Variants in CUBN observed in about 807,000 individuals in gnomAD.
CUBN encodes the protein cubilin, also known as 460 kDa receptor.
In CUBN, 282 loss-of-function variants were observed where a neutral mutation model predicts 405.3. That is an observed-to-expected ratio of 0.70 (90% CI 0.63 to 0.77). The LOEUF (loss-of-function observed/expected upper bound fraction) is 0.77, where lower values mean the gene tolerates loss of function less well. Ranked by LOEUF, CUBN falls within the 30% of genes least tolerant of loss-of-function variation. The pLI is 0.00. For synonymous variants in CUBN, 1,684 were observed against 1,617.0 expected (o/e 1.04, Z -0.99); for missense variants, 4,514 against 4,475.2 (o/e 1.01, Z -0.25).
chr10:16,933,878 C>A (rs575852819), intron 39 of CUBN, among the ~76,000 whole-genome samples: 2 of 152,202 alleles, frequency 1.3e-5, no homozygotes, highest in South Asian at 4.2e-4. Flanking sequence ...CTGCCTTGCA[C>A]GGTTGTGATG....
intron 59 of CUBN, among the ~76,000 whole-genome samples, chr10:16,855,226 G>A (rs1311678197): frequency 6.6e-6 from 1 of 151,584 alleles, no homozygotes; most frequent in Non-Finnish European, 1.5e-5. Flanking sequence ...GATTACAGGT[G>A]CATGCCACCA....
chr10:17,022,618 C>T (rs542002283), intron 27 of CUBN, among the ~76,000 whole-genome samples: 1 of 152,290 alleles, frequency 6.6e-6, no homozygotes, highest in Admixed American at 6.5e-5. Flanking sequence ...AACCGGAGGG[C>T]GAGAGGCCAA....
intron 31 of CUBN, chr10:16,966,009 T>C (rs1210249645): frequency 2.1e-6 from 1 of 471,030 alleles, no homozygotes; most frequent in Non-Finnish European, 4.4e-6. Context: ...GTTGTATTCA[T>C]TCAGTTAGAA....
At chr10:17,094,678 C>A (rs1303315801) in intron 14 of CUBN, among the ~76,000 whole-genome samples, 1 of 151,840 alleles carries the variant, frequency 6.6e-6, no homozygotes, top group Non-Finnish European at 1.5e-5. Flanking sequence ...AAGTTAAATA[C>A]TTAGGAATGT....
intron 60 of CUBN, among the ~76,000 whole-genome samples, chr10:16,845,586 AC>A (rs1737770470): frequency 6.6e-6 from 1 of 152,270 alleles, no homozygotes; most frequent in Non-Finnish European, 1.5e-5. Flanking sequence ...AATCAGCTCT[AC>A]AAGAGCAGGA....
At chr10:17,091,324 A>G (rs767884811) in intron 14 of CUBN, among the ~76,000 whole-genome samples, 4 of 152,198 alleles carry the variant, frequency 2.6e-5, no homozygotes, top group Admixed American at 6.5e-5. Context: ...CAGATATCGA[A>G]AACAAAACAA....
Position 17,110,081 on chromosome 10 carries a change from T to A in CUBN, c.1016-346A>T, listed in dbSNP as rs560566522. Among the ~76,000 whole-genome samples the A allele has an allele frequency of 5.3e-5, 8 of 152,348 alleles. No individual in the cohort carries two copies. In the East Asian group the frequency reaches 1.5e-3, roughly 29 times the overall value. On this transcript the variant is annotated intron_variant, in intron 9 of 66. Coordinates refer to ENST00000377833, the MANE Select transcript of CUBN (RefSeq NM_001081.4). ...GGTCAATTATTATAGAAGCCCAAAG[T>A]ACTGTAGTTCCATGTTATTTAAACA... is the stretch of plus-strand genomic sequence containing the variant.
chr10:17,123,682 T>C lies in CUBN; in HGVS notation c.395A>G (p.Asp132Gly). 1 of 1,613,412 alleles carries C rather than the reference T, an allele frequency of 6.2e-7. No individual in the cohort carries two copies. Among genetic ancestry groups the C allele is most frequent in the Non-Finnish European group, 8.5e-7 (1 of 1,179,570 alleles). Residue 132 changes from aspartate to glycine, a missense_variant, in exon 5 of 67, where the codon GAC becomes GGC. Transcript: ENST00000377833. ...AGGATTGCTGCTGCAAACCTTTTTG[T>C]CAACAGTCTGAAACAAAAACAGGAC... is the stretch of plus-strand genomic sequence containing the variant. ...RKFQGLQQTV[D>G]KKVCSSNPCQ...
At chr10:16,991,519 G>A (rs1564466336) in intron 28 of CUBN, among the ~76,000 whole-genome samples, 1 of 152,046 alleles carries the variant, frequency 6.6e-6, no homozygotes, top group African/African-American at 2.4e-5. Flanking sequence ...TAAAATTTGA[G>A]GAAGGCTTAT....
At chr10:16,939,915 G>A (rs2131606388) in intron 37 of CUBN, 117 bp downstream of exon 37, 1 of 941,472 alleles carries the variant, frequency 1.1e-6, no homozygotes, top group Non-Finnish European at 1.7e-6. Flanking sequence ...CAAAGACAAT[G>A]TAGGAAAATA....
At chr10:16,948,109 T>G (rs886368288) in intron 35 of CUBN, among the ~76,000 whole-genome samples, 5 of 152,230 alleles carry the variant, frequency 3.3e-5, no homozygotes, top group African/African-American at 1.2e-4. Context: ...CTCAGGAGGC[T>G]GAGGCAGGAG....
intron 5 of CUBN, chr10:17,123,308 A>G (rs1029087282): frequency 1.9e-6 from 1 of 515,030 alleles, no homozygotes; most frequent in African/African-American, 1.9e-5. Flanking sequence ...GTACTTTCCA[A>G]TGCTGAACAA....
chr10:16,844,601 A>G (rs11254242), intron 60 of CUBN, among the ~76,000 whole-genome samples: 6,102 of 152,326 alleles, frequency 0.04, 180 homozygotes, highest in Non-Finnish European at 0.063. Flanking sequence ...AATGACATAC[A>G]TACCTGGCCC....
Position 16,928,191 on chromosome 10 carries a change from T to C in CUBN, c.6237A>G (p.Val2079=). 6.2e-7 allele frequency: 1 copy of C among 1,613,972 alleles called. No individual in the cohort carries two copies. The highest frequency in any genetic ancestry group is 8.5e-7 in the Non-Finnish European group (1 of 1,179,884). Residue 2079 remains valine (V), a synonymous_variant, in exon 41 of 67, where the codon GTA becomes GTG. Transcript: ENST00000377833. ...AGGATGCATTGAAGCCTGCCCTGGT[T>C]ACACTGGAGTCCGAGGTGAAGCGGA... ...MFIRFTSDSS[V]TRAGFNASFH... is the part of the protein sequence containing the mutation.
rs1267273733 is a variant in CUBN at position 16,869,963 on chromosome 10, CA to C, written c.9237-111del. 1.4e-4 allele frequency: 108 copies of C among 760,320 alleles called. No individual in the cohort carries two copies. The East Asian group carries it at 2.9e-3, about 20-fold the overall frequency. The allele number at this position is 760,320 out of a possible 1,614,324, so 47.1% of individuals were successfully genotyped here. On this transcript the variant is annotated intron_variant, in intron 58 of 66. Coordinates refer to ENST00000377833, the MANE Select transcript of CUBN (RefSeq NM_001081.4). ...AGGAAAAAACTACCAGTAGAGCATT[CA>C]AAACTCACTTGATATGAAATATTAG...
At chr10:16,881,029 C>CT in intron 56 of CUBN, among the ~76,000 whole-genome samples, 1 of 152,076 alleles carries the variant, frequency 6.6e-6, no homozygotes, top group East Asian at 1.9e-4. Flanking sequence ...CAGTATTTGT[C>CT]TTTAAGACAT....
At chr10:16,841,961 T>C (rs1481342484) in intron 60 of CUBN, among the ~76,000 whole-genome samples, 7 of 148,314 alleles carry the variant, frequency 4.7e-5, no homozygotes, top group Admixed American at 2.0e-4. Flanking sequence ...GCCTTCCAGA[T>C]GTAAACTCTC....
At chr10:17,013,350 A>C (rs1834237657) in intron 28 of CUBN, among the ~76,000 whole-genome samples, 1 of 145,292 alleles carries the variant, frequency 6.9e-6, no homozygotes, top group Non-Finnish European at 1.5e-5. Context: ...CTGACTTTCT[A>C]TCTCTCTGTC....
intron 62 of CUBN, among the ~76,000 whole-genome samples, chr10:16,840,086 G>T (rs1174342197): frequency 1.7e-5 from 2 of 120,906 alleles, no homozygotes; most frequent in East Asian, 3.0e-4. Flanking sequence ...GAAGAGGGGA[G>T]GGGGGAGGGA....
Sources: allele counts gnomAD v4.1 joint callset (sites outside exome capture counted in the v4.1 genomes callset), GRCh38; gene constraint gnomAD v4.1.1; transcripts MANE v1.5; gene names NCBI Gene and HGNC (gene_info 2026-07-23, HGNC 2026-07-21).